CPEB1: variants seen among roughly 807,000 people sequenced by gnomAD.
CPEB1 encodes the protein cytoplasmic polyadenylation element binding protein 1.
In CPEB1, 7 loss-of-function variants were observed where a neutral mutation model predicts 65.8. The observed-to-expected ratio is 0.11, with a 90% confidence interval of 0.06 to 0.20. The LOEUF is 0.20. CPEB1 is among the 10% of genes least tolerant of loss of function. CPEB1 has a pLI of 1.00. For synonymous variants in CPEB1, 262 were observed against 260.0 expected, an observed-to-expected ratio of 1.01 and a Z score of -0.08; for missense variants, 551 against 712.2, an observed-to-expected ratio of 0.77 and a Z score of 2.58.
chr15:82,606,845 A>G (rs2043658707), intron 3 of CPEB1, among the ~76,000 whole-genome samples: 2 of 150,956 alleles, frequency 1.3e-5, no homozygotes, highest in South Asian at 4.2e-4. Flanking sequence ...AATACATAGT[A>G]AAAGAGGCCA....
At chr15:82,582,983 C>T (rs577786898) in intron 3 of CPEB1, among the ~76,000 whole-genome samples, 5 of 151,946 alleles carry the variant, frequency 3.3e-5, no homozygotes, top group East Asian at 1.9e-4. Context: ...CCTTGTGATC[C>T]GCCCGCCTCA....
intron 1 of CPEB1, among the ~76,000 whole-genome samples, chr15:82,642,376 T>C (rs777769578): frequency 6.6e-6 from 1 of 152,008 alleles, no homozygotes; most frequent in Non-Finnish European, 1.5e-5. Flanking sequence ...TGAAACCCCA[T>C]CTCAAAGAAA....
chr15:82,646,785 G>A (rs1006414923), intron 1 of CPEB1, among the ~76,000 whole-genome samples: 21 of 152,122 alleles, frequency 1.4e-4, no homozygotes, highest in African/African-American at 4.8e-4. Context: ...AAAAAGCCTC[G>A]GGGAATGACG....
intron 4 of CPEB1, among the ~76,000 whole-genome samples, chr15:82,559,893 G>C (rs2037896871): frequency 1.3e-5 from 2 of 152,144 alleles, no homozygotes; most frequent in Non-Finnish European, 2.9e-5. Flanking sequence ...AAACCAGCCT[G>C]CCTAACATGG....
chr15:82,634,058 G>A (rs1220086703), intron 1 of CPEB1, among the ~76,000 whole-genome samples: 1 of 151,918 alleles, frequency 6.6e-6, no homozygotes, highest in African/African-American at 2.4e-5. Context: ...AATACTTTTA[G>A]TGGCAGATGT....
intron 3 of CPEB1, chr15:82,572,949 G>C: frequency 7.7e-7 from 1 of 1,304,462 alleles, no homozygotes; most frequent in Admixed American, 2.9e-5. Context: ...CAGGGTCACT[G>C]GGCTTCTTCC....
At chr15:82,566,381 C>T (rs939421679) in intron 4 of CPEB1, among the ~76,000 whole-genome samples, 1 of 152,228 alleles carries the variant, frequency 6.6e-6, no homozygotes, top group African/African-American at 2.4e-5. Flanking sequence ...CCCTTCTTCC[C>T]TATCACCATC....
chr15:82,561,687 T>C (rs1448371572), intron 4 of CPEB1, among the ~76,000 whole-genome samples: 1 of 152,204 alleles, frequency 6.6e-6, no homozygotes, highest in East Asian at 1.9e-4. Flanking sequence ...GGTACACCTG[T>C]TTTACCAGCC....
intron 9 of CPEB1, among the ~76,000 whole-genome samples, chr15:82,550,004 C>A (rs2035965053): frequency 6.6e-6 from 1 of 151,978 alleles, no homozygotes; most frequent in African/African-American, 2.4e-5. Flanking sequence ...GGGCTGTGGA[C>A]ACTGATGAAA....
chr15:82,638,262 C>T (rs1373391479), intron 1 of CPEB1, among the ~76,000 whole-genome samples: 2 of 152,222 alleles, frequency 1.3e-5, no homozygotes, highest in East Asian at 3.8e-4. Context: ...ATGTACTCTT[C>T]ATATGCTGTT....
At chr15:82,593,944 A>G (rs2042470508) in intron 3 of CPEB1, among the ~76,000 whole-genome samples, 1 of 152,232 alleles carries the variant, frequency 6.6e-6, no homozygotes, top group Non-Finnish European at 1.5e-5. Flanking sequence ...AGTTAGCCAT[A>G]GTGCAAACAG....
intron 1 of CPEB1, among the ~76,000 whole-genome samples, chr15:82,635,169 A>G (rs1413831351): frequency 6.6e-6 from 1 of 152,146 alleles, no homozygotes; most frequent in Admixed American, 6.5e-5. Context: ...TTAGTTTTAT[A>G]CCAATAATAA....
At chr15:82,625,845 A>G (rs2045719696) in intron 3 of CPEB1, among the ~76,000 whole-genome samples, 1 of 152,206 alleles carries the variant, frequency 6.6e-6, no homozygotes, top group South Asian at 2.1e-4. Context: ...CAGGCCAGGC[A>G]CAGTGGCTCG....
At chr15:82,621,742 T>C (rs192430787) in intron 3 of CPEB1, among the ~76,000 whole-genome samples, 33 of 152,206 alleles carry the variant, frequency 2.2e-4, no homozygotes, top group African/African-American at 7.5e-4. Flanking sequence ...TTTGGGAAAG[T>C]TGGAGCTCTT....
intron 4 of CPEB1, among the ~76,000 whole-genome samples, chr15:82,563,931 G>A (rs1166765218): frequency 6.6e-6 from 1 of 152,084 alleles, no homozygotes; most frequent in Admixed American, 6.6e-5. Flanking sequence ...TCAAGCACAA[G>A]TAATAGGAAC....
intron 1 of CPEB1, among the ~76,000 whole-genome samples, chr15:82,635,101 C>T (rs1031547735): frequency 1.3e-5 from 2 of 152,132 alleles, no homozygotes; most frequent in African/African-American, 2.4e-5. Context: ...GTGATCCGCC[C>T]GCCTCAGCCT....
At chr15:82,574,639 T>G (rs1275692921) in intron 3 of CPEB1, among the ~76,000 whole-genome samples, 1 of 143,738 alleles carries the variant, frequency 7.0e-6, no homozygotes, top group African/African-American at 2.6e-5. Flanking sequence ...GAGAATTGCT[T>G]GAGCCCAGGA....
At chr15:82,617,998 G>C (rs957247828) in intron 3 of CPEB1, among the ~76,000 whole-genome samples, 1 of 151,640 alleles carries the variant, frequency 6.6e-6, no homozygotes, top group Admixed American at 6.6e-5. Context: ...CTCCCAAAGT[G>C]CTGGGATTAC....
chr15:82,648,124 T>C (rs978074525), upstream of CPEB1: 2 of 359,038 alleles, frequency 5.6e-6, no homozygotes, highest in Non-Finnish European at 9.9e-6. Context: ...CGAGGAGGGC[T>C]CCGCCGCCCA....
Sources: allele counts gnomAD v4.1 joint callset (sites outside exome capture counted in the v4.1 genomes callset), GRCh38; gene constraint gnomAD v4.1.1; transcripts MANE v1.5; gene names NCBI Gene and HGNC (gene_info 2026-07-23, HGNC 2026-07-21).